Variants in XNDC1N observed in about 807,000 individuals in gnomAD.
XNDC1N encodes the protein protein XNDC1N.
the XNDC1N span, among the ~76,000 whole-genome samples, chr11:71,876,212 C>A: frequency 6.6e-6 from 1 of 152,062 alleles, no homozygotes; most frequent in Non-Finnish European, 1.5e-5. Context: ...TGCAATAAAA[C>A]TCTATAATTT....
At chr11:71,909,058 A>G in the XNDC1N span, among the ~76,000 whole-genome samples, 1 of 152,218 alleles carries the variant, frequency 6.6e-6, no homozygotes, top group African/African-American at 2.4e-5. Context: ...TGTGAGGTCT[A>G]TCGTATGTAT....
At chr11:71,901,086 A>G in the XNDC1N span, among the ~76,000 whole-genome samples, 78 of 152,284 alleles carry the variant, frequency 5.1e-4, no homozygotes, top group Non-Finnish European at 6.8e-4. Context: ...TATGGAAAGG[A>G]CAGCTGAGAT....
At chr11:71,895,513 G>A in the XNDC1N span, among the ~76,000 whole-genome samples, 21 of 125,064 alleles carry the variant, frequency 1.7e-4, no homozygotes, top group African/African-American at 6.1e-4. Context: ...TGTTAATAGA[G>A]ACAGTGTTTC....
chr11:71,874,719 C>CTATA, the XNDC1N span, among the ~76,000 whole-genome samples: 7 of 152,126 alleles, frequency 4.6e-5, no homozygotes, highest in Non-Finnish European at 1.0e-4. Context: ...GAGAATCTAT[C>CTATA]TATAGACTTG....
chr11:71,894,617 G>A, the XNDC1N span, among the ~76,000 whole-genome samples: 1 of 152,158 alleles, frequency 6.6e-6, no homozygotes, highest in Non-Finnish European at 1.5e-5. Context: ...CCTCATGACT[G>A]AATCCTCTAT....
chr11:71,883,191 A>G, the XNDC1N span, among the ~76,000 whole-genome samples: 1 of 152,172 alleles, frequency 6.6e-6, no homozygotes. Flanking sequence ...TAGATTATAT[A>G]CAATCCCTAT....
chr11:71,904,843 T>C, the XNDC1N span, among the ~76,000 whole-genome samples: 2 of 151,882 alleles, frequency 1.3e-5, no homozygotes. Context: ...GCCCCTAGGA[T>C]GTTAAGAATA....
At chr11:71,926,870 C>T in the XNDC1N span, among the ~76,000 whole-genome samples, 1 of 151,882 alleles carries the variant, frequency 6.6e-6, no homozygotes, top group Admixed American at 6.6e-5. Context: ...CTCTGTACTC[C>T]AGCCTGGGTG....
At chr11:71,917,993 G>C in the XNDC1N span, among the ~76,000 whole-genome samples, 2 of 152,168 alleles carry the variant, frequency 1.3e-5, no homozygotes, top group Non-Finnish European at 1.5e-5. Context: ...CTCCCAGCCA[G>C]AAACCTTCCC....
the XNDC1N span, chr11:71,884,299 T>A: frequency 7.7e-7 from 1 of 1,294,874 alleles, no homozygotes; most frequent in Non-Finnish European, 1.0e-6. Flanking sequence ...GTTTTTGTTT[T>A]TCTGGGAAAG....
the XNDC1N span, among the ~76,000 whole-genome samples, chr11:71,888,789 C>T: frequency 6.6e-6 from 1 of 152,212 alleles, no homozygotes; most frequent in East Asian, 1.9e-4. Flanking sequence ...CTAACGAATG[C>T]CACACTCACC....
chr11:71,894,290 C>T, the XNDC1N span: 62 of 402,966 alleles, frequency 1.5e-4, no homozygotes, highest in African/African-American at 8.7e-4. Context: ...GGTGTGATGG[C>T]GTCAGTGATG....
chr11:71,878,395 C>G, the XNDC1N span: 3 of 1,590,702 alleles, frequency 1.9e-6, no homozygotes, highest in Admixed American at 1.7e-5. Context: ...TGAATGTACA[C>G]AGAAGTCCTC....
At chr11:71,899,586 G>A in the XNDC1N span, among the ~76,000 whole-genome samples, 17 of 152,346 alleles carry the variant, frequency 1.1e-4, no homozygotes, top group East Asian at 1.9e-4. Context: ...TGCGCAGGAC[G>A]TGCCTTGTTA....
chr11:71,904,841 G>T, the XNDC1N span, among the ~76,000 whole-genome samples: 1 of 151,924 alleles, frequency 6.6e-6, no homozygotes, highest in Non-Finnish European at 1.5e-5. Flanking sequence ...ATGCCCCTAG[G>T]ATGTTAAGAA....
the XNDC1N span, chr11:71,928,593 G>T: frequency 1.4e-6 from 1 of 702,520 alleles, no homozygotes; most frequent in Admixed American, 2.0e-5. Flanking sequence ...ACATTTCCGT[G>T]TGTTTTAATA....
chr11:71,866,927 A>G, the XNDC1N span, among the ~76,000 whole-genome samples: 7 of 152,360 alleles, frequency 4.6e-5, no homozygotes, highest in South Asian at 1.4e-3. Context: ...CAAGTCACAA[A>G]AATACTTGAA....
At chr11:71,921,214 G>A in the XNDC1N span, among the ~76,000 whole-genome samples, 1 of 151,942 alleles carries the variant, frequency 6.6e-6, no homozygotes, top group Non-Finnish European at 1.5e-5. Context: ...TAGTGCAGTC[G>A]CATAATCACA....
chr11:71,889,446 C>A, the XNDC1N span, among the ~76,000 whole-genome samples: 2 of 152,200 alleles, frequency 1.3e-5, no homozygotes, highest in South Asian at 4.1e-4. Flanking sequence ...AGCACCTGAT[C>A]TGGGACCTAC....
Sources: allele counts gnomAD v4.1 joint callset (sites outside exome capture counted in the v4.1 genomes callset), GRCh38; gene constraint gnomAD v4.1.1; transcripts MANE v1.5; gene names NCBI Gene and HGNC (gene_info 2026-07-23, HGNC 2026-07-21).